CNTN4: variants seen among roughly 807,000 people sequenced by gnomAD.
CNTN4 encodes contactin 4.
CNTN4 carries 77 observed loss-of-function variants against 122.5 expected under a neutral mutation model. The ratio of observed to expected loss-of-function variants is 0.63; its 90% CI spans 0.52 to 0.76. The LOEUF (loss-of-function observed/expected upper bound fraction) is 0.76. CNTN4 is among the 30% of genes least tolerant of loss of function. The probability of loss-of-function intolerance (pLI) is 0.00; values close to 1 mark genes in which losing one functional copy is unlikely to be tolerated. For missense variants in CNTN4, 1,256 were observed against 1,259.1 expected (o/e 1.00, Z 0.04); for synonymous variants, 512 against 447.0 (o/e 1.15, Z -1.83).
At chr3:2,175,538 ATAAAAT>A (rs1038213614) in intron 2 of CNTN4, among the ~76,000 whole-genome samples, 15 of 152,248 alleles carry the variant, frequency 9.9e-5, no homozygotes, top group African/African-American at 3.4e-4. Context: ...AGCTGAAAAA[ATAAAAT>A]TAAGAATACG....
At chr3:2,428,303 A>T (rs2151173222) in intron 3 of CNTN4, among the ~76,000 whole-genome samples, 1 of 152,220 alleles carries the variant, frequency 6.6e-6, no homozygotes, top group South Asian at 2.1e-4. Flanking sequence ...CTTGTCTGTA[A>T]AGGATTTTAT....
At chr3:2,740,874 C>G (rs74833664) in intron 5 of CNTN4, among the ~76,000 whole-genome samples, 1,657 of 152,232 alleles carry the variant, frequency 0.011, 33 homozygotes, top group African/African-American at 0.037. Flanking sequence ...ACTTTACATG[C>G]TCATTTATCC....
At chr3:2,605,446 T>C (rs572039670) in intron 4 of CNTN4, among the ~76,000 whole-genome samples, 1 of 152,168 alleles carries the variant, frequency 6.6e-6, no homozygotes, top group Admixed American at 6.5e-5. Context: ...TTTTTCTGGA[T>C]GAGCTGGGAA....
intron 4 of CNTN4, among the ~76,000 whole-genome samples, chr3:2,606,276 A>G (rs568380196): frequency 1.3e-5 from 2 of 152,250 alleles, no homozygotes; most frequent in Non-Finnish European, 2.9e-5. Context: ...ACGGAGAACA[A>G]TATAACCTAA....
At chr3:2,227,165 C>CA (rs557793435) in intron 2 of CNTN4, among the ~76,000 whole-genome samples, 109 of 151,116 alleles carry the variant, frequency 7.2e-4, no homozygotes, top group Admixed American at 1.5e-3. Flanking sequence ...CATGTCATAT[C>CA]AAAAAAAAGG....
At chr3:2,625,274 A>G (rs965139005) in intron 4 of CNTN4, among the ~76,000 whole-genome samples, 18 of 152,144 alleles carry the variant, frequency 1.2e-4, no homozygotes, top group African/African-American at 4.3e-4. Context: ...GGGACCCTGG[A>G]CATCTTGGGA....
At chr3:3,029,202 A>T (rs1169679447) in intron 15 of CNTN4, among the ~76,000 whole-genome samples, 2 of 152,250 alleles carry the variant, frequency 1.3e-5, no homozygotes, top group Non-Finnish European at 2.9e-5. Flanking sequence ...GGGTTAAAAT[A>T]CCATAGCTTT....
At chr3:2,886,688 A>G (rs1015060024) in intron 9 of CNTN4, among the ~76,000 whole-genome samples, 2 of 151,316 alleles carry the variant, frequency 1.3e-5, no homozygotes, top group South Asian at 2.1e-4. Context: ...ATTTTTTTGT[A>G]TTTTTAGTAG....
intron 6 of CNTN4, among the ~76,000 whole-genome samples, chr3:2,799,531 C>T (rs1002708260): frequency 1.3e-5 from 2 of 151,848 alleles, no homozygotes; most frequent in African/African-American, 2.4e-5. Context: ...GGCACAATCT[C>T]GGGTCACTGC....
At chr3:2,547,677 T>A (rs1575941428) in intron 3 of CNTN4, among the ~76,000 whole-genome samples, 1 of 152,074 alleles carries the variant, frequency 6.6e-6, no homozygotes, top group Admixed American at 6.6e-5. Context: ...AAACACTTAA[T>A]AGTCAAATGC....
chr3:2,145,353 T>C (rs540729633), intron 2 of CNTN4, among the ~76,000 whole-genome samples: 29 of 152,352 alleles, frequency 1.9e-4, no homozygotes, highest in African/African-American at 6.0e-4. Context: ...GTTGGTCATG[T>C]TGCAGGCCTA....
intron 2 of CNTN4, among the ~76,000 whole-genome samples, chr3:2,300,450 A>C (rs2042462955): frequency 1.3e-5 from 2 of 151,562 alleles, no homozygotes; most frequent in Non-Finnish European, 2.9e-5. Context: ...AATTACAGCC[A>C]CAGGTGGATG....
chr3:2,407,199 A>C (rs756206823), intron 3 of CNTN4, among the ~76,000 whole-genome samples: 1 of 152,186 alleles, frequency 6.6e-6, no homozygotes, highest in Non-Finnish European at 1.5e-5. Context: ...ATAAGATTAC[A>C]GGCATATTTG....
intron 3 of CNTN4, among the ~76,000 whole-genome samples, chr3:2,433,566 A>G (rs2048153983): frequency 6.6e-6 from 1 of 151,994 alleles, no homozygotes; most frequent in Non-Finnish European, 1.5e-5. Context: ...TTTTCCCCCA[A>G]TCTGTGGTTG....
intron 3 of CNTN4, among the ~76,000 whole-genome samples, chr3:2,516,010 C>G (rs968826328): frequency 3.9e-5 from 6 of 151,920 alleles, no homozygotes; most frequent in African/African-American, 1.5e-4. Context: ...TGGATGGGCT[C>G]ATCTTATTTC....
chr3:2,262,488 C>A (rs1052750821), intron 2 of CNTN4: 1 of 152,024 alleles, frequency 6.6e-6, no homozygotes, highest in Non-Finnish European at 1.5e-5. Context: ...TTTATAAGCT[C>A]GGGCCTGTCT....
intron 3 of CNTN4, among the ~76,000 whole-genome samples, chr3:2,460,471 G>A (rs1403250167): frequency 1.3e-5 from 2 of 152,116 alleles, no homozygotes; most frequent in African/African-American, 4.8e-5. Context: ...ACTTTGCCAT[G>A]ACTGCTACCT....
At chr3:2,732,799 G>A (rs978859746) in intron 4 of CNTN4, among the ~76,000 whole-genome samples, 2 of 152,112 alleles carry the variant, frequency 1.3e-5, no homozygotes, top group Non-Finnish European at 2.9e-5. Context: ...TTAATACCTT[G>A]ATAGCTAAAC....
chr3:3,013,458 G>A (rs1697433478), intron 14 of CNTN4, among the ~76,000 whole-genome samples: 1 of 152,112 alleles, frequency 6.6e-6, no homozygotes, highest in Admixed American at 6.5e-5. Context: ...CTAGACCTGG[G>A]CTGATTTCCA....
Sources: allele counts gnomAD v4.1 joint callset (sites outside exome capture counted in the v4.1 genomes callset), GRCh38; gene constraint gnomAD v4.1.1; transcripts MANE v1.5; gene names NCBI Gene and HGNC (gene_info 2026-07-23, HGNC 2026-07-21).